SYNE2: variants seen among roughly 807,000 people sequenced by gnomAD.
The protein encoded by SYNE2 is spectrin repeat containing nuclear envelope protein 2.
A neutral mutation model predicts 856.3 loss-of-function variants in SYNE2; 431 were observed. The ratio of observed to expected loss-of-function variants is 0.50; its 90% confidence interval spans 0.47 to 0.55. The LOEUF (loss-of-function observed/expected upper bound fraction) is 0.55. SYNE2 is among the 20% of genes least tolerant of loss of function. SYNE2 has a pLI of 0.00. For synonymous variants in SYNE2, 2,923 were observed against 2,872.3 expected, an observed-to-expected ratio of 1.02 and a Z score of -0.56; for missense variants, 8,129 against 8,023.2, an observed-to-expected ratio of 1.01 and a Z score of -0.50.
chr14:63,788,272 G>A (rs958329112), intron 1 of SYNE2, among the ~76,000 whole-genome samples: 4 of 152,176 alleles, frequency 2.6e-5, no homozygotes. Context: ...GGTGCAGACT[G>A]TAGAGACAGC....
At chr14:63,938,240 G>A (rs1225734706) in intron 2 of SYNE2, among the ~76,000 whole-genome samples, 1 of 152,060 alleles carries the variant, frequency 6.6e-6, no homozygotes, top group East Asian at 1.9e-4. Flanking sequence ...AGGATTGCTT[G>A]AGCCTAGGAG....
At chr14:64,158,290 C>T (rs2098301797) in intron 85 of SYNE2, among the ~76,000 whole-genome samples, 2 of 152,054 alleles carry the variant, frequency 1.3e-5, no homozygotes, top group South Asian at 4.2e-4. Context: ...AATAAGTTGC[C>T]CAAGGTCAGA....
intron 96 of SYNE2, among the ~76,000 whole-genome samples, chr14:64,179,947 T>A (rs2098450554): frequency 6.6e-6 from 1 of 152,232 alleles, no homozygotes; most frequent in Admixed American, 6.5e-5. Context: ...TTGCAAAATC[T>A]TCATACTAAA....
intron 2 of SYNE2, among the ~76,000 whole-genome samples, chr14:63,934,626 G>T (rs2095806961): frequency 6.6e-6 from 1 of 151,940 alleles, no homozygotes; most frequent in African/African-American, 2.4e-5. Flanking sequence ...TGGGCACACA[G>T]TGGTCTTATT....
At chr14:63,997,428 C>A in intron 25 of SYNE2, 37 bp downstream of exon 25, 1 of 1,509,724 alleles carries the variant, frequency 6.6e-7, no homozygotes, top group Non-Finnish European at 9.1e-7. Flanking sequence ...GAAGTAAACC[C>A]AAAGTAAAAG....
At chr14:64,180,207 A>G (rs549198807) in intron 96 of SYNE2, among the ~76,000 whole-genome samples, 11 of 152,288 alleles carry the variant, frequency 7.2e-5, no homozygotes, top group Non-Finnish European at 1.2e-4. Context: ...TGTCAGCTTT[A>G]ATATCAAACT....
rs200836164 is a variant in SYNE2 at position 63,976,677 on chromosome 14, G to T, written c.1243G>T (p.Asp415Tyr). 865 of 1,611,782 alleles carry T rather than the reference G, an allele frequency of 5.4e-4. 3 individuals are homozygous for T. Among genetic ancestry groups the T allele is most frequent in the Non-Finnish European group, 6.9e-4 (817 of 1,179,698 alleles). ...LMDEDLSASQ[D>Y]HSQAVTLIQE... ...GGATGAAGATTTGTCAGCCTCCCAGGATCACTCTCAAGCCGTGACTCTGAT... is the reference window on the plus strand; with the variant it reads ...GGATGAAGATTTGTCAGCCTCCCAGTATCACTCTCAAGCCGTGACTCTGAT... The change falls in exon 12 of 116, where the codon GAT becomes TAT. Residue 415 changes from aspartate (D) to tyrosine (Y), a missense_variant. By Grantham distance (160) the Asp-to-Tyr change is radical. This residue lies in a region of SYNE2 where 2,422 missense variants were observed against 2,357.4 expected (regional missense o/e 1.03). Coordinates refer to ENST00000555002, the MANE Select transcript of SYNE2 (RefSeq NM_182914.3).
chr14:64,171,484 C>T lies in SYNE2; in HGVS notation c.17235+1022C>T, dbSNP rs1317003087. 2.0e-5 allele frequency among the ~76,000 whole-genome samples: 3 copies of T among 152,176 alleles called. No individual in the cohort carries two copies. The East Asian group carries it at 5.8e-4, about 29-fold the overall frequency. ...ACTTACGTAGATCATTAAAACAGGG[C>T]CAGTAGAGATGGGGATGTGTGGCTC... On this transcript the variant is annotated intron_variant, in intron 94 of 115. Transcript: ENST00000555002.
intron 78 of SYNE2, among the ~76,000 whole-genome samples, chr14:64,134,555 C>T (rs1253783828): frequency 6.6e-6 from 1 of 152,162 alleles, no homozygotes; most frequent in Non-Finnish European, 1.5e-5. Flanking sequence ...TGGAAATGAG[C>T]TGAAGAATGG....
intron 1 of SYNE2, among the ~76,000 whole-genome samples, chr14:63,907,366 C>T (rs1236246192): frequency 6.6e-6 from 1 of 152,140 alleles, no homozygotes; most frequent in Non-Finnish European, 1.5e-5. Flanking sequence ...GAAGCCCAAA[C>T]CACCTGGATT....
intron 107 of SYNE2, chr14:64,215,721 C>T (rs2098663233): frequency 5.3e-6 from 2 of 374,254 alleles, no homozygotes; most frequent in East Asian, 5.8e-5. Context: ...CTGGGATCCC[C>T]TGGTGGAAAG....
intron 6 of SYNE2, among the ~76,000 whole-genome samples, chr14:63,949,167 A>G (rs2096107618): frequency 2.0e-5 from 3 of 152,258 alleles, no homozygotes; most frequent in South Asian, 4.2e-4. Context: ...GGTAGATACC[A>G]TATCGCCCTC....
chr14:63,937,746 A>G (rs534491993), intron 2 of SYNE2, among the ~76,000 whole-genome samples: 2 of 152,358 alleles, frequency 1.3e-5, no homozygotes, highest in Non-Finnish European at 2.9e-5. Context: ...ACATTCAGCA[A>G]CCTGTTTGTA....
At chr14:63,857,352 C>T (rs545652800) in intron 1 of SYNE2, among the ~76,000 whole-genome samples, 16 of 152,094 alleles carry the variant, frequency 1.1e-4, no homozygotes, top group Non-Finnish European at 2.2e-4. Context: ...TACTGATAGA[C>T]GCCAGTTCAT....
chr14:64,198,310 T>G (rs904024015), intron 99 of SYNE2, among the ~76,000 whole-genome samples: 2 of 152,188 alleles, frequency 1.3e-5, no homozygotes, highest in Non-Finnish European at 2.9e-5. Context: ...GATATTAACT[T>G]GAGATTTTAA....
chr14:63,821,591 T>TA (rs748850001), intron 1 of SYNE2, among the ~76,000 whole-genome samples: 87 of 142,582 alleles, frequency 6.1e-4, no homozygotes, highest in Middle Eastern at 3.7e-3. Context: ...CCATCTCTAT[T>TA]AAAAAAAAAA....
In SYNE2 at chr14:64,078,558, G is replaced by A. The variant is rs1166735632; in HGVS notation, c.11115G>A (p.Met3705Ile). Residue 3705 changes from methionine to isoleucine, a missense_variant, in exon 55 of 116, where the codon ATG becomes ATA. Met to Ile is a conservative substitution (Grantham distance 10, BLOSUM62 1). Transcript: ENST00000555002. ...INNGLHNVEK[M>I]LQQKSKNIEK... ...ATGGGCTTCATAATGTTGAAAAGAT[G>A]TTGCAGCAGAAAAGCAAAAATATTG... is the stretch of plus-strand genomic sequence containing the variant. The A allele has an allele frequency of 1.9e-6, 3 of 1,614,144 alleles. No individual in the cohort carries two copies. The highest frequency in any genetic ancestry group is 1.3e-5 in the African/African-American group (1 of 75,048).
intron 1 of SYNE2, among the ~76,000 whole-genome samples, chr14:63,894,697 A>G (rs1234827407): frequency 6.6e-6 from 1 of 152,220 alleles, no homozygotes; most frequent in African/African-American, 2.4e-5. Context: ...ATCATTACAA[A>G]TATATTCTTT....
chr14:63,980,525 T>A, intron 14 of SYNE2, 129 bp from the exon 15 acceptor site: 1 of 640,582 alleles, frequency 1.6e-6, no homozygotes. Flanking sequence ...CTACCAAATA[T>A]GTAGTATTAA....
Sources: gnomAD v4.1 joint callset for allele counts (sites outside exome capture counted in the v4.1 genomes callset) on GRCh38, gnomAD v4.1.1 for gene constraint, gnomAD v4.1.1 regional missense constraint, MANE v1.5 for transcripts, NCBI Gene and HGNC (gene_info 2026-07-23, HGNC 2026-07-21) for gene names.